The following HPSE2 variants were observed in gnomAD, a reference collection of about 807,000 sequenced individuals.
HPSE2 encodes inactive heparanase-2.
HPSE2 carries 38 observed loss-of-function variants against 60.5 expected under a neutral mutation model. The observed-to-expected ratio is 0.63, with a 90% CI of 0.48 to 0.82. The LOEUF (loss-of-function observed/expected upper bound fraction) is 0.82. HPSE2 is among the 40% of genes least tolerant of loss of function. The probability of loss-of-function intolerance (pLI) is 0.00; values close to 1 mark genes in which losing one functional copy is unlikely to be tolerated. For synonymous variants in HPSE2, 295 were observed against 293.2 expected (o/e 1.01, Z -0.06); for missense variants, 713 against 740.4 (o/e 0.96, Z 0.43).
intron 9 of HPSE2, among the ~76,000 whole-genome samples, chr10:98,500,140 C>G (rs867437090): frequency 1.3e-5 from 2 of 152,096 alleles, no homozygotes; most frequent in Non-Finnish European, 2.9e-5. Flanking sequence ...AACAAAGAAA[C>G]AATGGATTTA....
At chr10:99,125,196 C>G (rs991907974) in intron 3 of HPSE2, among the ~76,000 whole-genome samples, 1 of 152,186 alleles carries the variant, frequency 6.6e-6, no homozygotes, top group Non-Finnish European at 1.5e-5. Flanking sequence ...GCTTTACGCT[C>G]CCAAACCTAA....
At chr10:99,103,753 C>T (rs983692638) in intron 3 of HPSE2, among the ~76,000 whole-genome samples, 9 of 152,090 alleles carry the variant, frequency 5.9e-5, no homozygotes, top group African/African-American at 2.2e-4. Context: ...GCTACAGTAA[C>T]CAAAACAGCA....
At chr10:98,483,187 T>A (rs1450719195) in intron 10 of HPSE2, among the ~76,000 whole-genome samples, 1 of 152,168 alleles carries the variant, frequency 6.6e-6, no homozygotes, top group Non-Finnish European at 1.5e-5. Flanking sequence ...CCTTCCAGTA[T>A]TTTTTAGTTT....
intron 3 of HPSE2, among the ~76,000 whole-genome samples, chr10:99,023,009 A>G (rs1437361497): frequency 6.6e-6 from 1 of 152,166 alleles, no homozygotes; most frequent in East Asian, 1.9e-4. Context: ...CTTAGGTACC[A>G]GCACAACCAC....
intron 2 of HPSE2, among the ~76,000 whole-genome samples, chr10:99,197,585 T>A (rs1848444402): frequency 6.6e-6 from 1 of 152,204 alleles, no homozygotes; most frequent in Non-Finnish European, 1.5e-5. Flanking sequence ...CAGAGTTTTT[T>A]GAAGATTAAA....
rs568103394 is a variant in HPSE2, at chr10:99,028,398, G to A, written c.610+115840C>T. On this transcript the variant is annotated intron_variant, in intron 3 of 11. Transcript: ENST00000370552. ...TTAAAAAGTAATCCCATTTACAATAGCCACAAATAAATACCTAGGAATTAA... is the reference window on the plus strand; with the variant it reads ...TTAAAAAGTAATCCCATTTACAATAACCACAAATAAATACCTAGGAATTAA... Among the ~76,000 whole-genome samples, 16 of 152,060 alleles carry A rather than the reference G, an allele frequency of 1.1e-4. No homozygotes were observed. The South Asian group carries it at 3.1e-3, about 30-fold the overall frequency.
chr10:98,972,784 T>C (rs936311440), intron 3 of HPSE2, among the ~76,000 whole-genome samples: 5 of 152,182 alleles, frequency 3.3e-5, no homozygotes, highest in Non-Finnish European at 5.9e-5. Context: ...CCTAGTTCCA[T>C]TTTCTGTAGT....
chr10:99,197,564 T>C (rs920052686), intron 2 of HPSE2, among the ~76,000 whole-genome samples: 4 of 151,986 alleles, frequency 2.6e-5, no homozygotes, highest in African/African-American at 9.7e-5. Context: ...AAAGAATGAG[T>C]ATCCACCTGA....
intron 3 of HPSE2, among the ~76,000 whole-genome samples, chr10:99,005,298 T>C (rs943436591): frequency 6.6e-6 from 1 of 152,164 alleles, no homozygotes; most frequent in Non-Finnish European, 1.5e-5. Context: ...ACATTTGCTC[T>C]TTTTACATTG....
chr10:99,277,996 C>T, the HPSE2 span, among the ~76,000 whole-genome samples: 1 of 150,700 alleles, frequency 6.6e-6, no homozygotes, highest in African/African-American at 2.4e-5. Context: ...ACTCAGGAGG[C>T]TGAGGCGAGA....
chr10:98,651,134 A>G (rs1946902287), intron 6 of HPSE2, among the ~76,000 whole-genome samples: 1 of 152,208 alleles, frequency 6.6e-6, no homozygotes, highest in African/African-American at 2.4e-5. Context: ...ATTGCACTGA[A>G]AGGAAATCTT....
chr10:98,753,068 G>T (rs1309098785), intron 3 of HPSE2, among the ~76,000 whole-genome samples: 1 of 152,134 alleles, frequency 6.6e-6, no homozygotes, highest in Non-Finnish European at 1.5e-5. Flanking sequence ...GGGTGAGGAG[G>T]TGTTGATTAA....
intron 2 of HPSE2, among the ~76,000 whole-genome samples, chr10:99,230,277 G>A (rs1849601083): frequency 6.6e-6 from 1 of 152,116 alleles, no homozygotes; most frequent in Admixed American, 6.6e-5. Context: ...AAATTATTTT[G>A]AAGATAGATG....
At chr10:98,748,235 G>T (rs1018850708) in intron 3 of HPSE2, among the ~76,000 whole-genome samples, 1 of 152,158 alleles carries the variant, frequency 6.6e-6, no homozygotes, top group African/African-American at 2.4e-5. Context: ...AACCTGGGAG[G>T]TGGAGATTGC....
At chr10:98,971,290 T>C (rs1955945766) in intron 3 of HPSE2, among the ~76,000 whole-genome samples, 1 of 152,214 alleles carries the variant, frequency 6.6e-6, no homozygotes, top group Admixed American at 6.5e-5. Context: ...CTGTTGTTGT[T>C]ATGACATTGT....
chr10:98,615,043 C>T (rs565507515), intron 8 of HPSE2, 25 bp from the exon 9 acceptor site: 2 of 1,514,380 alleles, frequency 1.3e-6, no homozygotes, highest in Non-Finnish European at 9.2e-7. Flanking sequence ...AAAAGAGCTA[C>T]ATCAATATAT....
chr10:99,250,535 T>A, the HPSE2 span, among the ~76,000 whole-genome samples: 3 of 152,168 alleles, frequency 2.0e-5, no homozygotes, highest in African/African-American at 7.2e-5. Context: ...ACTCTGCTCA[T>A]CAACCACAGA....
At chr10:99,240,678 C>T (rs1849921047), upstream of HPSE2, among the ~76,000 whole-genome samples, 1 of 152,108 alleles carries the variant, frequency 6.6e-6, no homozygotes, top group Non-Finnish European at 1.5e-5. Flanking sequence ...TCCAAAAGTG[C>T]TGAGATTACA....
chr10:98,804,137 G>A (rs186637257), intron 3 of HPSE2, among the ~76,000 whole-genome samples: 212 of 152,210 alleles, frequency 1.4e-3, no homozygotes, highest in African/African-American at 4.8e-3. Flanking sequence ...TGTTATTAGT[G>A]TATAAGAATG....
Sources: allele counts gnomAD v4.1 joint callset (sites outside exome capture counted in the v4.1 genomes callset), GRCh38; gene constraint gnomAD v4.1.1; transcripts MANE v1.5; gene names NCBI Gene and HGNC (gene_info 2026-07-23, HGNC 2026-07-21).